The following SULT1A1 variants were observed in gnomAD, a reference collection of about 807,000 sequenced individuals.
SULT1A1 encodes sulfotransferase family 1A member 1, also known as sulfotransferase 1A1.
SULT1A1 carries 35 observed loss-of-function variants against 36.8 expected under a neutral mutation model. The observed-to-expected ratio is 0.95, with a 90% CI of 0.73 to 1.26. The LOEUF (loss-of-function observed/expected upper bound fraction) is 1.26, where lower values mean the gene tolerates loss of function less well. Ranked by LOEUF, SULT1A1 falls within the 50% of genes most tolerant of loss-of-function variation. The probability of loss-of-function intolerance (pLI) is 0.00; values close to 1 mark genes in which losing one functional copy is unlikely to be tolerated. For missense variants in SULT1A1, 309 were observed against 383.0 expected (o/e 0.81, Z 1.61); for synonymous variants, 119 against 146.0 (o/e 0.82, Z 1.33).
intron 1 of SULT1A1, chr16:28,623,083 T>A (rs1485548593): frequency 7.0e-7 from 1 of 1,424,928 alleles, no homozygotes; most frequent in Non-Finnish European, 9.6e-7. Flanking sequence ...CTGCCTCCAG[T>A]CCCCCAATAC....
intron 2 of SULT1A1, among the ~76,000 whole-genome samples, chr16:28,619,907 T>C (rs2047616905): frequency 6.6e-6 from 1 of 151,694 alleles, no homozygotes; most frequent in South Asian, 2.1e-4. Context: ...GTATATATTT[T>C]TGTGGATCTA....
At chr16:28,616,465 T>A (rs2047548944) in intron 2 of SULT1A1, among the ~76,000 whole-genome samples, 1 of 152,096 alleles carries the variant, frequency 6.6e-6, no homozygotes, top group South Asian at 2.1e-4. Context: ...TTTTTGTATT[T>A]TTAGTAGAGA....
chr16:28,623,197 T>G, exon 1 of SULT1A1: 2 of 1,527,292 alleles, frequency 1.3e-6, no homozygotes, highest in South Asian at 2.4e-5. Context: ...TTGGCCAGCA[T>G]GGCGCGCGGC....
chr16:28,608,508 G>C lies in SULT1A1; in HGVS notation c.244C>G (p.Leu82Val), dbSNP rs180689861. Residue 82 changes from leucine to valine, a missense_variant, in exon 3 of 8, where the codon CTT (leucine) becomes GTT (valine). Transcript: ENST00000314752. ...RAPIFMRVPF[L>V]EFKAPGIPSG... is the part of the protein sequence containing the mutation. Reference sequence around the variant, plus strand: ...GGAATCCCTGGGGCTTTGAACTCAAGGAAGGGCACCCGCATGAAGATGGGA... The same window carrying C: ...GGAATCCCTGGGGCTTTGAACTCAACGAAGGGCACCCGCATGAAGATGGGA... The C allele has an allele frequency of 1.2e-6, 2 of 1,612,472 alleles. No homozygotes were observed. The highest frequency in any genetic ancestry group is 3.3e-5 in the Admixed American group (2 of 59,896).
upstream of SULT1A1, chr16:28,610,277 T>TG (rs2047401637): frequency 4.4e-6 from 5 of 1,129,418 alleles, no homozygotes; most frequent in Non-Finnish European, 5.7e-6. Flanking sequence ...TTTTTTTTTT[T>TG]TTTTTTTTTT....
chr16:28,609,240 T>G, intron 1 of SULT1A1: 1 of 1,268,738 alleles, frequency 7.9e-7, no homozygotes, highest in Admixed American at 3.2e-5. Flanking sequence ...CCAGCGCCCT[T>G]TGTCTCACCA....
chr16:28,620,105 G>T (rs1249317596), exon 2 of SULT1A1: 3 of 1,613,042 alleles, frequency 1.9e-6, no homozygotes, highest in Middle Eastern at 3.4e-4. Context: ...CCAAAAATAT[G>T]TCATCCTTTC....
At chr16:28,610,779 G>C (rs532573920), upstream of SULT1A1, 2 of 152,866 alleles carry the variant, frequency 1.3e-5, no homozygotes, top group South Asian at 4.1e-4. Flanking sequence ...ACCAGAGGAG[G>C]CCGAGGTTTG....
chr16:28,623,097 T>TGCCCCC, intron 1 of SULT1A1: 1 of 1,391,252 alleles, frequency 7.2e-7, no homozygotes, highest in Non-Finnish European at 9.8e-7. Context: ...CCAATACTGG[T>TGCCCCC]CCCACCCCCC....
rs1208745061 is a variant in SULT1A1, at chr16:28,605,650, C to G, written c.*171G>C. The G allele has an allele frequency of 9.5e-7, 1 of 1,055,452 alleles. No homozygotes were observed. The highest frequency in any genetic ancestry group is 1.4e-6 in the Non-Finnish European group (1 of 708,826). 65.4% of individuals were successfully genotyped at this position (1,055,452 alleles called of 1,614,324 possible). A position where few individuals can be genotyped will look rare whatever the true frequency, so the allele number is the denominator to read the frequency against. On this transcript the variant is annotated 3_prime_UTR_variant, in exon 8 of 8. Transcript: ENST00000314752. Reference sequence around the variant, plus strand: ...TTTAACAGAATCTCACTATGTTGCCCAGGTTGGTCTCGAACTCCTGGGCTC... The same window carrying G: ...TTTAACAGAATCTCACTATGTTGCCGAGGTTGGTCTCGAACTCCTGGGCTC...
rs1230138359 is a variant in SULT1A1, at chr16:28,608,507, AG to A, written c.244del (p.Glu83SerfsTer14). The part of the protein sequence containing the change: ...RAPIFMRVPF[L>X]EFKAPGIPSG... ...GGGAATCCCTGGGGCTTTGAACTCA[AG>A]GAAGGGCACCCGCATGAAGATGGGA... On this transcript the variant is annotated frameshift_variant, in exon 3 of 8. Coordinates refer to ENST00000314752, the MANE Select transcript of SULT1A1 (RefSeq NM_001055.4). LOFTEE classifies it high-confidence loss of function. 7 of 1,612,464 alleles carry A rather than the reference AG, an allele frequency of 4.3e-6. No homozygotes were observed. The highest frequency in any genetic ancestry group is 5.9e-6 in the Non-Finnish European group (7 of 1,178,688).
intron 2 of SULT1A1, among the ~76,000 whole-genome samples, chr16:28,617,731 G>A (rs1293734404): frequency 1.3e-5 from 2 of 151,840 alleles, no homozygotes; most frequent in Admixed American, 6.6e-5. Context: ...TAGTAGTGAC[G>A]GGGTTTCACC....
At chr16:28,619,995 G>T (rs1280651272) in intron 2 of SULT1A1, 48 of 1,084,378 alleles carry the variant, frequency 4.4e-5, no homozygotes, top group Non-Finnish European at 6.3e-5. Flanking sequence ...ATTGTATATT[G>T]TGTGTGTGTG....
At chr16:28,610,270 T>G (rs1156933961), upstream of SULT1A1, 1 of 982,364 alleles carries the variant, frequency 1.0e-6, no homozygotes, top group Non-Finnish European at 1.3e-6. Flanking sequence ...TTCTGTTTTT[T>G]TTTTTTTTTT....
chr16:28,617,542 T>TC (rs2047569518), intron 2 of SULT1A1, among the ~76,000 whole-genome samples: 1 of 151,876 alleles, frequency 6.6e-6, no homozygotes, highest in Non-Finnish European at 1.5e-5. Context: ...TCTTTTCTTT[T>TC]CTTTTTTTTT....
chr16:28,623,128 C>A, intron 1 of SULT1A1: 1 of 1,452,082 alleles, frequency 6.9e-7, no homozygotes, highest in Non-Finnish European at 9.2e-7. Flanking sequence ...CCCGGCCCCT[C>A]ACCGGCGTAG....
upstream of SULT1A1, chr16:28,610,276 T>TTTTTTTTTTTTTTTTTTTG (rs2047401573): frequency 8.9e-7 from 1 of 1,119,186 alleles, no homozygotes; most frequent in African/African-American, 1.9e-5. Flanking sequence ...TTTTTTTTTT[T>TTTTTTTTTTTTTTTTTTTG]TTTTTTTTTT....
intron 4 of SULT1A1, 123 bp from the exon 5 acceptor site, chr16:28,607,200 G>A (rs111255298): frequency 1.8e-5 from 27 of 1,518,844 alleles, no homozygotes; most frequent in African/African-American, 5.4e-5. Flanking sequence ...GAGATCTCAC[G>A]GCACCGGTAG....
exon 1 of SULT1A1, chr16:28,623,367 C>T (rs1314150164): frequency 6.7e-7 from 1 of 1,484,850 alleles, no homozygotes; most frequent in African/African-American, 1.4e-5. Flanking sequence ...GACGAGCGAG[C>T]TACGGCACGC....
Sources: gnomAD v4.1 joint callset for allele counts (sites outside exome capture counted in the v4.1 genomes callset) on GRCh38, gnomAD v4.1.1 for gene constraint, MANE v1.5 for transcripts, NCBI Gene and HGNC (gene_info 2026-07-23, HGNC 2026-07-21) for gene names.